The following LRIG2 variants were observed in gnomAD, a reference collection of about 807,000 sequenced individuals.
LRIG2 encodes leucine rich repeats and immunoglobulin like domains 2, also known as leucine-rich repeats and immunoglobulin-like domains protein 2.
Under a neutral mutation model 107.8 loss-of-function variants are expected in LRIG2, and 93 were observed. The ratio of observed to expected loss-of-function variants is 0.86; its 90% CI spans 0.73 to 1.03. The LOEUF (loss-of-function observed/expected upper bound fraction) is 1.03. Ranked by LOEUF, LRIG2 falls within the 50% of genes least tolerant of loss-of-function variation. The pLI, the probability that LRIG2 is intolerant of heterozygous loss-of-function variation, is 0.00. For missense variants in LRIG2, 1,226 were observed against 1,296.0 expected (o/e 0.95, Z 0.83); for synonymous variants, 471 against 470.6 (o/e 1.00, Z -0.01).
chr1:113,083,314 A>G (rs1380755389), intron 1 of LRIG2, among the ~76,000 whole-genome samples: 2 of 144,330 alleles, frequency 1.4e-5, no homozygotes, highest in Non-Finnish European at 3.0e-5. Context: ...AGCTGGGATT[A>G]CAGGCATGAG....
chr1:113,121,130 ATGTTT>A lies in LRIG2; in HGVS notation c.2971+1617_2971+1621del, dbSNP rs1655235167. On this transcript the variant is annotated intron_variant, in intron 17 of 17. Transcript: ENST00000361127. ...CATGCCTGGCTGAGAAGAGTTTTAA[ATGTTT>A]TGTTTTGTTGCTGTTTTAGCAGGTA... 3.9e-5 allele frequency among the ~76,000 whole-genome samples: 6 copies of A among 152,196 alleles called. No homozygotes were observed. The South Asian group carries it at 1.2e-3, about 32-fold the overall frequency.
rs1277123533 is a variant in LRIG2, at chr1:113,124,575, C to G, written c.*474C>G. ...AGTGGTTTCAGGCAGATAGTTGAGA[C>G]TGGGGCTTTGATATTCAAGGTCTTT... On this transcript the variant is annotated 3_prime_UTR_variant, in exon 18 of 18. Coordinates refer to ENST00000361127, the MANE Select transcript of LRIG2 (RefSeq NM_014813.3). 1 of 156,858 alleles carries G rather than the reference C, an allele frequency of 6.4e-6. No homozygotes were observed. The highest frequency in any genetic ancestry group is 1.4e-5 in the Non-Finnish European group (1 of 70,752). The allele number at this position is 156,858 out of a possible 1,614,324, so 9.7% of individuals were successfully genotyped here.
intron 9 of LRIG2, among the ~76,000 whole-genome samples, chr1:113,099,770 C>T (rs866543635): frequency 1.3e-5 from 2 of 152,130 alleles, no homozygotes; most frequent in African/African-American, 4.8e-5. Flanking sequence ...AGCATTCTCT[C>T]ACATAAGATT....
chr1:113,106,987 C>T (rs376369868), intron 11 of LRIG2, among the ~76,000 whole-genome samples: 1 of 152,138 alleles, frequency 6.6e-6, no homozygotes, highest in Non-Finnish European at 1.5e-5. Context: ...TATCTAGATT[C>T]ACCAATTGTT....
chr1:113,115,201 G>A (rs1033090172), intron 15 of LRIG2, among the ~76,000 whole-genome samples: 1 of 152,184 alleles, frequency 6.6e-6, no homozygotes, highest in Non-Finnish European at 1.5e-5. Context: ...GTTCATAACA[G>A]AACCTCTTTG....
At chr1:113,082,835 T>C (rs1653349667) in intron 1 of LRIG2, among the ~76,000 whole-genome samples, 1 of 152,162 alleles carries the variant, frequency 6.6e-6, no homozygotes, top group Non-Finnish European at 1.5e-5. Context: ...TTTATATTTT[T>C]AGTAGAGATG....
chr1:113,107,624 C>T lies in LRIG2; in HGVS notation c.1344C>T (p.Asp448=). ...LILNTSSLLC[D]CHLKWLLQWL... is the part of the protein sequence containing the mutation. ...TGAACACAAGCAGTTTGCTCTGTGA[C>T]TGCCATTTGAAGTGGCTACTTCAAT... The change falls in exon 12 of 18, where the codon GAC becomes GAT. Residue 448 remains aspartate, a synonymous_variant. Coordinates refer to ENST00000361127, the MANE Select transcript of LRIG2 (RefSeq NM_014813.3). 1 of 1,612,620 alleles carries T rather than the reference C, an allele frequency of 6.2e-7. No individual in the cohort carries two copies. The highest frequency in any genetic ancestry group is 8.5e-7 in the Non-Finnish European group (1 of 1,179,706).
chr1:113,102,863 A>C (rs1481615707), intron 11 of LRIG2, among the ~76,000 whole-genome samples: 1 of 152,174 alleles, frequency 6.6e-6, no homozygotes, highest in Non-Finnish European at 1.5e-5. Context: ...TAAAATTAAA[A>C]TGTTATGAAA....
At chr1:113,123,667 A>T (rs1176649459) in intron 17 of LRIG2, among the ~76,000 whole-genome samples, 1 of 151,630 alleles carries the variant, frequency 6.6e-6, no homozygotes, top group Non-Finnish European at 1.5e-5. Flanking sequence ...GATCTCAGTA[A>T]ATAATTGGTT....
intron 11 of LRIG2, among the ~76,000 whole-genome samples, chr1:113,104,750 G>C (rs1011539316): frequency 2.4e-4 from 36 of 152,048 alleles, no homozygotes; most frequent in African/African-American, 8.2e-4. Flanking sequence ...ATATAAGCTG[G>C]ACTCAAAAGA....
In LRIG2 at chr1:113,124,849, A is replaced by G. The variant is rs922779472; in HGVS notation, c.*748A>G. 1 of 152,186 alleles carries G rather than the reference A, an allele frequency of 6.6e-6. No individual in the cohort carries two copies. The highest frequency in any genetic ancestry group is 1.5e-5 in the Non-Finnish European group (1 of 68,044). 9.4% of individuals were successfully genotyped at this position (152,186 alleles called of 1,614,324 possible). A position where few individuals can be genotyped will look rare whatever the true frequency, so the allele number is the denominator to read the frequency against. ...CAGATCACAGATTTTAAATAACTCA[A>G]TTTAGTGAGATCTAAAAATTTTATT... On this transcript the variant is annotated 3_prime_UTR_variant, in exon 18 of 18. Transcript: ENST00000361127.
At chr1:113,091,220 G>C in intron 1 of LRIG2, 98 bp from the exon 2 acceptor site, 1 of 747,368 alleles carries the variant, frequency 1.3e-6, no homozygotes, top group South Asian at 2.0e-5. Flanking sequence ...CACTGTACCT[G>C]GCCAAGAGGA....
At chr1:113,112,373 A>G in intron 13 of LRIG2, 106 bp from the exon 14 acceptor site, 1 of 952,828 alleles carries the variant, frequency 1.0e-6, no homozygotes, top group Non-Finnish European at 1.6e-6. Flanking sequence ...AAGAAATGGA[A>G]CATTAGGGGG....
rs901098069 is a variant in LRIG2, at chr1:113,100,364, T to C, written c.1245-56T>C. On this transcript the variant is annotated intron_variant, in intron 10 of 17. Transcript: ENST00000361127. ...GGTTTTCATGACCATGTAAAGTGTT[T>C]ATGTAACTTGATATAGAAATGGTGA... 131 of 1,442,250 alleles carry C rather than the reference T, an allele frequency of 9.1e-5. No individual in the cohort carries two copies. In the Middle Eastern group the frequency reaches 1.2e-3, roughly 14 times the overall value. 89.3% of individuals were successfully genotyped at this position (1,442,250 alleles called of 1,614,324 possible). A position where few individuals can be genotyped will look rare whatever the true frequency, so the allele number is the denominator to read the frequency against.
intron 13 of LRIG2, 72 bp from the exon 14 acceptor site, chr1:113,112,407 A>G: frequency 7.3e-7 from 1 of 1,377,928 alleles, no homozygotes; most frequent in Non-Finnish European, 9.9e-7. Context: ...AGATTCTTTC[A>G]TGCCTATTTG....
At chr1:113,118,379 A>G (rs1458936080) in intron 16 of LRIG2, among the ~76,000 whole-genome samples, 1 of 152,228 alleles carries the variant, frequency 6.6e-6, no homozygotes, top group Non-Finnish European at 1.5e-5. Flanking sequence ...TCATTGTCAG[A>G]AGCTTTCCCT....
intron 1 of LRIG2, among the ~76,000 whole-genome samples, chr1:113,073,938 C>T (rs764123594): frequency 5.8e-5 from 8 of 138,860 alleles, no homozygotes; most frequent in Non-Finnish European, 9.0e-5. Context: ...ATGGTAAGGA[C>T]TCACGGGTCC....
chr1:113,106,830 AT>A (rs756101794), intron 11 of LRIG2, among the ~76,000 whole-genome samples: 8 of 152,146 alleles, frequency 5.3e-5, no homozygotes, highest in Non-Finnish European at 1.2e-4. Context: ...TTTAGTGTTG[AT>A]GAAATAATTT....
At position 113,119,326 on chromosome 1, in the gene LRIG2, C is replaced by T. The variant is rs972199247; in HGVS notation, c.2774C>T (p.Ala925Val). The T allele has an allele frequency of 6.2e-7, 1 of 1,614,098 alleles. No individual in the cohort carries two copies. The highest frequency in any genetic ancestry group is 8.5e-7 in the Non-Finnish European group (1 of 1,180,020). Reference protein sequence around the residue: ...TREYCPYTYIAEEDVLDQTLS... With the variant: ...TREYCPYTYIVEEDVLDQTLS... ...GAATACTGTCCATACACCTATATTG[C>T]TGAGGAGGACGTTCTTGATCAGACA... The change falls in exon 17 of 18, where the codon GCT (alanine) becomes GTT (valine). Residue 925 changes from alanine to valine, a missense_variant. Coordinates refer to ENST00000361127, the MANE Select transcript of LRIG2 (RefSeq NM_014813.3).
Sources: gnomAD v4.1 joint callset for allele counts (sites outside exome capture counted in the v4.1 genomes callset) on GRCh38, gnomAD v4.1.1 for gene constraint, MANE v1.5 for transcripts, NCBI Gene and HGNC (gene_info 2026-07-23, HGNC 2026-07-21) for gene names.